The following MYT1L variants were observed in gnomAD, a reference collection of about 807,000 sequenced individuals.
MYT1L encodes myelin transcription factor 1 like.
In MYT1L, 12 loss-of-function variants were observed where a neutral mutation model predicts 126.7. That is an observed-to-expected ratio of 0.09 (90% confidence interval 0.06 to 0.15). The LOEUF is 0.15. Ranked by LOEUF, MYT1L falls within the 10% of genes least tolerant of loss-of-function variation. The pLI, the probability that MYT1L is intolerant of heterozygous loss-of-function variation, is 1.00. For missense variants in MYT1L, 979 were observed against 1,585.2 expected (o/e 0.62, Z 6.49); for synonymous variants, 541 against 604.2 (o/e 0.90, Z 1.53).
At chr2:2,273,178 C>T (rs1483312055) in intron 2 of MYT1L, among the ~76,000 whole-genome samples, 2 of 152,204 alleles carry the variant, frequency 1.3e-5, no homozygotes, top group Non-Finnish European at 2.9e-5. Flanking sequence ...CATTCCTCTG[C>T]TGGGGCACCA....
At chr2:1,849,532 A>G (rs2148503321) in intron 19 of MYT1L, among the ~76,000 whole-genome samples, 1 of 152,350 alleles carries the variant, frequency 6.6e-6, no homozygotes, top group East Asian at 1.9e-4. Flanking sequence ...CTCAGCAGTG[A>G]CTGCAGGCAT....
chr2:1,893,067 C>CT (rs1367125569), intron 14 of MYT1L, among the ~76,000 whole-genome samples: 1 of 152,210 alleles, frequency 6.6e-6, no homozygotes, highest in African/African-American at 2.4e-5. Flanking sequence ...CACGGCCTCT[C>CT]TGTTCCCTGC....
intron 2 of MYT1L, among the ~76,000 whole-genome samples, chr2:2,241,891 T>C (rs1402721470): frequency 6.6e-6 from 1 of 152,176 alleles, no homozygotes; most frequent in Non-Finnish European, 1.5e-5. Context: ...GTGGTCATAT[T>C]CACAGAGACA....
At chr2:2,218,581 G>A (rs1238414756) in intron 2 of MYT1L, among the ~76,000 whole-genome samples, 1 of 152,114 alleles carries the variant, frequency 6.6e-6, no homozygotes, top group Non-Finnish European at 1.5e-5. Context: ...GAACTGGAGG[G>A]AGAGGCTACA....
intron 4 of MYT1L, among the ~76,000 whole-genome samples, chr2:2,041,272 GA>G (rs1292408114): frequency 6.6e-6 from 1 of 152,160 alleles, no homozygotes; most frequent in African/African-American, 2.4e-5. Flanking sequence ...CGCCACATTT[GA>G]GTCTTGTCAA....
At chr2:2,135,258 T>C (rs1575410750) in intron 3 of MYT1L, among the ~76,000 whole-genome samples, 1 of 152,128 alleles carries the variant, frequency 6.6e-6, no homozygotes, top group Non-Finnish European at 1.5e-5. Flanking sequence ...GTTCTCATGA[T>C]AGTGAATAAG....
chr2:2,081,707 A>G (rs1017168814), intron 3 of MYT1L, among the ~76,000 whole-genome samples: 21 of 152,280 alleles, frequency 1.4e-4, no homozygotes, highest in Non-Finnish European at 2.4e-4. Context: ...TAACCTCTTC[A>G]TACCTTAGTT....
At chr2:1,805,918 C>T (rs528336316) in intron 22 of MYT1L, among the ~76,000 whole-genome samples, 7 of 152,254 alleles carry the variant, frequency 4.6e-5, no homozygotes, top group African/African-American at 1.7e-4. Flanking sequence ...TCCACATCTA[C>T]AGCAAGGGCA....
chr2:1,839,912 G>C (rs1043984796), intron 20 of MYT1L, among the ~76,000 whole-genome samples: 1 of 152,146 alleles, frequency 6.6e-6, no homozygotes, highest in African/African-American at 2.4e-5. Flanking sequence ...AAGTCTCCTG[G>C]AATCGGGCTG....
At chr2:1,941,916 A>G (rs1390483736) in intron 9 of MYT1L, among the ~76,000 whole-genome samples, 1 of 152,168 alleles carries the variant, frequency 6.6e-6, no homozygotes, top group Non-Finnish European at 1.5e-5. Flanking sequence ...GAGGAGTGGT[A>G]ATTTAAGCCT....
chr2:2,129,823 G>A (rs1482289695), intron 3 of MYT1L, among the ~76,000 whole-genome samples: 7 of 151,430 alleles, frequency 4.6e-5, no homozygotes, highest in African/African-American at 9.7e-5. Context: ...GGAGAATGGC[G>A]TGAACCCGGG....
intron 18 of MYT1L, chr2:1,885,302 C>T (rs937075335): frequency 6.5e-6 from 1 of 152,706 alleles, no homozygotes; most frequent in East Asian, 1.9e-4. Flanking sequence ...GTTTTGAGAT[C>T]CTAAATCTAC....
At chr2:1,823,482 T>C (rs953490197) in intron 21 of MYT1L, among the ~76,000 whole-genome samples, 2 of 152,158 alleles carry the variant, frequency 1.3e-5, no homozygotes, top group Non-Finnish European at 2.9e-5. Context: ...GTGGGTGTGG[T>C]TGACGCTGGA....
intron 18 of MYT1L, among the ~76,000 whole-genome samples, chr2:1,881,878 T>C (rs543349644): frequency 2.6e-5 from 4 of 152,348 alleles, no homozygotes; most frequent in African/African-American, 7.2e-5. Flanking sequence ...GGTGGTGTTA[T>C]TAATGATTGA....
At chr2:2,033,646 G>A (rs2066655797) in intron 4 of MYT1L, among the ~76,000 whole-genome samples, 1 of 152,178 alleles carries the variant, frequency 6.6e-6, no homozygotes, top group Non-Finnish European at 1.5e-5. Flanking sequence ...CCTTGCTCAC[G>A]AAATTTGATT....
chr2:2,049,220 G>A (rs751075118), intron 4 of MYT1L, among the ~76,000 whole-genome samples: 33 of 152,178 alleles, frequency 2.2e-4, no homozygotes, highest in Admixed American at 1.1e-3. Flanking sequence ...TATATTAACG[G>A]CACTGAGTCA....
intron 21 of MYT1L, among the ~76,000 whole-genome samples, chr2:1,810,531 G>A (rs568046148): frequency 3.8e-4 from 58 of 152,288 alleles, no homozygotes; most frequent in African/African-American, 1.3e-3. Flanking sequence ...TAGATGGACC[G>A]TGTCCGTAAG....
chr2:1,874,598 T>A (rs968474813), intron 18 of MYT1L, among the ~76,000 whole-genome samples: 1 of 152,192 alleles, frequency 6.6e-6, no homozygotes, highest in African/African-American at 2.4e-5. Context: ...CTGGGCCGGA[T>A]GTCCTTCCTC....
chr2:1,959,801 A>G (rs1480924001), intron 8 of MYT1L, among the ~76,000 whole-genome samples: 1 of 152,206 alleles, frequency 6.6e-6, no homozygotes, highest in Non-Finnish European at 1.5e-5. Context: ...CTCTGTCCAC[A>G]GTGCAGCCAC....
Sources: gnomAD v4.1 joint callset for allele counts (sites outside exome capture counted in the v4.1 genomes callset) on GRCh38, gnomAD v4.1.1 for gene constraint, MANE v1.5 for transcripts, NCBI Gene and HGNC (gene_info 2026-07-23, HGNC 2026-07-21) for gene names.